KCNIP4: variants seen among roughly 807,000 people sequenced by gnomAD.
KCNIP4 encodes the protein potassium voltage-gated channel interacting protein 4.
In KCNIP4, 12 loss-of-function variants were observed where a neutral mutation model predicts 34.0. The observed-to-expected ratio is 0.35, with a 90% confidence interval of 0.23 to 0.57. KCNIP4 has a LOEUF of 0.57. KCNIP4 is among the 20% of genes least tolerant of loss of function. The probability of loss-of-function intolerance (pLI) is 0.83; values close to 1 mark genes in which losing one functional copy is unlikely to be tolerated. For missense variants in KCNIP4, 238 were observed against 311.7 expected, an observed-to-expected ratio of 0.76 and a Z score of 1.78; for synonymous variants, 124 against 102.2, an observed-to-expected ratio of 1.21 and a Z score of -1.29.
rs112389956 is a variant in KCNIP4, at chr4:21,016,295, T to G, written c.62-133586A>C. Among the ~76,000 whole-genome samples, 842 of 148,604 alleles carry G rather than the reference T, an allele frequency of 5.7e-3. 11 individuals carry two copies. Among genetic ancestry groups the G allele is most frequent in the African/African-American group, 0.02 (800 of 39,846 alleles). ...TGTAAGCTTTATTTCTTTTCTTTTT[T>G]TCTTTTTTCTTTTTTTTTTTTGAGA... On this transcript the variant is annotated intron_variant, in intron 1 of 8. Coordinates refer to ENST00000382152, the MANE Select transcript of KCNIP4 (RefSeq NM_025221.6).
At chr4:21,345,741 G>A (rs1042180307) in intron 1 of KCNIP4, among the ~76,000 whole-genome samples, 5 of 152,010 alleles carry the variant, frequency 3.3e-5, no homozygotes, top group Non-Finnish European at 5.9e-5. Context: ...TATATTAGCA[G>A]AGAATGCACA....
intron 1 of KCNIP4, among the ~76,000 whole-genome samples, chr4:21,444,050 A>G (rs1334058481): frequency 6.6e-6 from 1 of 152,160 alleles, no homozygotes; most frequent in African/African-American, 2.4e-5. Flanking sequence ...TCCTCGACAC[A>G]TACACCCTCC....
chr4:21,421,681 A>G (rs1725462928), intron 1 of KCNIP4, among the ~76,000 whole-genome samples: 1 of 152,222 alleles, frequency 6.6e-6, no homozygotes, highest in South Asian at 2.1e-4. Context: ...AGTTCTGAAT[A>G]TCTTATGTGA....
At chr4:21,589,853 A>G (rs903855745) in intron 1 of KCNIP4, among the ~76,000 whole-genome samples, 5 of 151,972 alleles carry the variant, frequency 3.3e-5, no homozygotes, top group Admixed American at 1.3e-4. Context: ...GCACCTGTTT[A>G]GTTAATATTT....
intron 1 of KCNIP4, among the ~76,000 whole-genome samples, chr4:21,948,092 G>A (rs1355974831): frequency 2.6e-5 from 4 of 152,192 alleles, no homozygotes; most frequent in African/African-American, 9.7e-5. Flanking sequence ...TCTGACATGG[G>A]CAAGATGCCG....
chr4:20,900,970 T>C (rs1468226057), intron 1 of KCNIP4, among the ~76,000 whole-genome samples: 3 of 152,206 alleles, frequency 2.0e-5, no homozygotes, highest in Non-Finnish European at 2.9e-5. Context: ...ACACATTGAA[T>C]TCAATACAAT....
chr4:21,916,667 T>C (rs1473075055), intron 1 of KCNIP4, among the ~76,000 whole-genome samples: 1 of 152,228 alleles, frequency 6.6e-6, no homozygotes, highest in Non-Finnish European at 1.5e-5. Context: ...TTTAGCATGG[T>C]TCACTGTGTT....
chr4:21,110,670 T>A (rs1372135579), intron 1 of KCNIP4, among the ~76,000 whole-genome samples: 1 of 152,178 alleles, frequency 6.6e-6, no homozygotes, highest in Non-Finnish European at 1.5e-5. Context: ...TTTGATGGCA[T>A]TAGGAGGTGA....
At chr4:21,948,384 C>A (rs1578174008) in intron 1 of KCNIP4, among the ~76,000 whole-genome samples, 187 bp downstream of exon 1, 1 of 152,076 alleles carries the variant, frequency 6.6e-6, no homozygotes, top group Non-Finnish European at 1.5e-5. Flanking sequence ...CTTGCATGCA[C>A]CCCCCTCTCC....
At chr4:20,828,686 C>A (rs189124668) in intron 3 of KCNIP4, among the ~76,000 whole-genome samples, 51 of 152,308 alleles carry the variant, frequency 3.3e-4, no homozygotes, top group Non-Finnish European at 5.6e-4. Context: ...GTTTTCTAAG[C>A]AGACTGTGTT....
intron 1 of KCNIP4, among the ~76,000 whole-genome samples, chr4:21,887,440 A>C (rs952112315): frequency 6.6e-6 from 1 of 152,032 alleles, no homozygotes; most frequent in African/African-American, 2.4e-5. Flanking sequence ...CACCTCCTAA[A>C]GGCCTTACTT....
At chr4:21,217,418 AAAG>A (rs761471434) in intron 1 of KCNIP4, among the ~76,000 whole-genome samples, 64 of 152,154 alleles carry the variant, frequency 4.2e-4, no homozygotes, top group Non-Finnish European at 9.0e-4. Flanking sequence ...TGGGAGCACA[AAAG>A]AAGAATTTTC....
At chr4:21,339,925 C>T (rs1716578861) in intron 1 of KCNIP4, among the ~76,000 whole-genome samples, 2 of 152,142 alleles carry the variant, frequency 1.3e-5, no homozygotes, top group African/African-American at 4.8e-5. Flanking sequence ...ACAGTTTCCT[C>T]TACTCTTGTA....
intron 1 of KCNIP4, chr4:21,697,411 T>C: frequency 6.4e-7 from 1 of 1,565,962 alleles, no homozygotes; most frequent in South Asian, 1.2e-5. Flanking sequence ...GTATTTCACG[T>C]TTACACCGCT....
chr4:21,299,489 G>A (rs1764037375), intron 1 of KCNIP4, among the ~76,000 whole-genome samples: 2 of 152,100 alleles, frequency 1.3e-5, no homozygotes. Flanking sequence ...ACTAGATGGT[G>A]TAAAAAGATT....
chr4:21,892,225 A>G lies in KCNIP4; in HGVS notation c.61+56346T>C, dbSNP rs543376659. On this transcript the variant is annotated intron_variant, in intron 1 of 8. Transcript: ENST00000382152. ...GGGTAAATTAACTATTGCTACATAA[A>G]ACAACATGGATGAATCTGACAGATG... Among the ~76,000 whole-genome samples the G allele has an allele frequency of 5.9e-5, 9 of 152,192 alleles. No individual in the cohort carries two copies. In the East Asian group the frequency reaches 1.7e-3, roughly 29 times the overall value.
rs62295424 is a variant in KCNIP4, at chr4:20,879,287, C to T, written c.163+3321G>A. Among the ~76,000 whole-genome samples, 4 of 152,262 alleles carry T rather than the reference C, an allele frequency of 2.6e-5. No individual in the cohort carries two copies. In the East Asian group the frequency reaches 7.7e-4, roughly 29 times the overall value. ...ACATTCTAAGGCCTAAATTAATTCT[C>T]ATTAGATGATATCTATTACTCTTGC... On this transcript the variant is annotated intron_variant, in intron 2 of 8. Coordinates refer to ENST00000382152, the MANE Select transcript of KCNIP4 (RefSeq NM_025221.6).
intron 1 of KCNIP4, among the ~76,000 whole-genome samples, chr4:21,913,339 G>T (rs2108985628): frequency 6.7e-6 from 1 of 148,810 alleles, no homozygotes; most frequent in African/African-American, 2.5e-5. Flanking sequence ...ACCTTGATTT[G>T]TATTTTGTTT....
intron 3 of KCNIP4, among the ~76,000 whole-genome samples, chr4:20,764,074 T>A (rs750913115): frequency 6.6e-6 from 1 of 152,162 alleles, no homozygotes; most frequent in African/African-American, 2.4e-5. Context: ...CTCATCCATC[T>A]TCTGAGAATT....
Sources: allele counts gnomAD v4.1 joint callset (sites outside exome capture counted in the v4.1 genomes callset), GRCh38; gene constraint gnomAD v4.1.1; transcripts MANE v1.5; gene names NCBI Gene and HGNC (gene_info 2026-07-23, HGNC 2026-07-21).